The following ATL3 variants were observed in gnomAD, a reference collection of about 807,000 sequenced individuals.
ATL3 encodes the protein atlastin GTPase 3.
A neutral mutation model predicts 69.5 loss-of-function variants in ATL3; 49 were observed. The observed-to-expected ratio is 0.71, with a 90% confidence interval of 0.56 to 0.89. ATL3 has a LOEUF of 0.89. ATL3 is among the 40% of genes least tolerant of loss of function. ATL3 has a pLI of 0.00. For synonymous variants in ATL3, 214 were observed against 224.1 expected (o/e 0.95, Z 0.40); for missense variants, 606 against 645.7 (o/e 0.94, Z 0.67).
At chr11:63,671,707 G>A (rs1472181600), upstream of ATL3, 3 of 1,295,688 alleles carry the variant, frequency 2.3e-6, no homozygotes, top group South Asian at 2.6e-5. Context: ...CCCGGCCAGC[G>A]GTCCTCATAC....
chr11:63,671,559 G>C, upstream of ATL3: 2 of 1,424,596 alleles, frequency 1.4e-6, no homozygotes, highest in Non-Finnish European at 1.8e-6. Flanking sequence ...GAGGCTAGGC[G>C]AGGCGGGGCG....
intron 5 of ATL3, among the ~76,000 whole-genome samples, chr11:63,648,756 C>T (rs1939971508): frequency 2.6e-5 from 4 of 151,850 alleles, no homozygotes; most frequent in Admixed American, 2.6e-4. Context: ...TTGCAGTGAG[C>T]CGAGATCGCA....
At chr11:63,671,639 T>C (rs963292182), upstream of ATL3, 4 of 1,408,686 alleles carry the variant, frequency 2.8e-6, no homozygotes, top group Non-Finnish European at 3.7e-6. Context: ...CGGGTACCTG[T>C]TGGCGGGGCG....
At chr11:63,639,590 CA>C (rs111370312) in intron 8 of ATL3, among the ~76,000 whole-genome samples, 20,923 of 151,544 alleles carry the variant, frequency 0.14, 1,559 homozygotes, top group Middle Eastern at 0.18. Context: ...CCTGTCTCTA[CA>C]AAAAAATAAA....
At chr11:63,631,552 G>A in intron 11 of ATL3, 81 bp from the exon 12 acceptor site, 2 of 1,230,584 alleles carry the variant, frequency 1.6e-6, no homozygotes, top group South Asian at 1.5e-5. Flanking sequence ...ATAATGAAAG[G>A]ATTAGAATGT....
intron 1 of ATL3, among the ~76,000 whole-genome samples, chr11:63,665,289 T>C (rs934253700): frequency 1.2e-4 from 17 of 147,270 alleles, no homozygotes; most frequent in Admixed American, 3.5e-4. Context: ...GAGGTTGCGG[T>C]GAGCTGAGAT....
chr11:63,637,016 C>T (rs1428462625), intron 8 of ATL3, among the ~76,000 whole-genome samples: 7 of 152,240 alleles, frequency 4.6e-5, no homozygotes, highest in South Asian at 2.1e-4. Context: ...TGGTGGCTCA[C>T]GCCTGTAATC....
rs777811140 is a variant in ATL3, at chr11:63,631,297, A to T, written c.1282T>A (p.Phe428Ile). 5.0e-6 allele frequency: 8 copies of T among 1,614,212 alleles called. No homozygotes were observed. The highest frequency in any genetic ancestry group is 6.8e-6 in the Non-Finnish European group (8 of 1,180,042). ...TTCTTGCTACCATTGTGCTTGCAGA[A>T]GTTCTCATATAATTCCTTGATTTCC... Reference protein sequence around the residue: ...EEEIKELYENFCKHNGSKNVF... With the variant: ...EEEIKELYENICKHNGSKNVF... Residue 428 changes from phenylalanine to isoleucine, a missense_variant, in exon 12 of 13, where the codon TTC (phenylalanine) becomes ATC (isoleucine). By Grantham distance (21) the Phe-to-Ile change is conservative (BLOSUM62 0). Transcript: ENST00000398868.
At chr11:63,668,905 C>A (rs1454321645) in intron 1 of ATL3, among the ~76,000 whole-genome samples, 1 of 147,516 alleles carries the variant, frequency 6.8e-6, no homozygotes, top group African/African-American at 2.5e-5. Context: ...AGGCTCACTG[C>A]AGCCAACTTC....
chr11:63,662,488 T>C (rs1176493615), intron 1 of ATL3, among the ~76,000 whole-genome samples: 1 of 152,204 alleles, frequency 6.6e-6, no homozygotes, highest in Non-Finnish European at 1.5e-5. Flanking sequence ...AGAAGTCTGT[T>C]TATTTATTTA....
At chr11:63,660,732 C>G (rs1225909873) in intron 1 of ATL3, among the ~76,000 whole-genome samples, 1 of 152,004 alleles carries the variant, frequency 6.6e-6, no homozygotes, top group Non-Finnish European at 1.5e-5. Flanking sequence ...TTGCAAGACT[C>G]TATCTCAAAA....
intron 5 of ATL3, among the ~76,000 whole-genome samples, chr11:63,651,277 A>C (rs1405771695): frequency 6.6e-6 from 1 of 152,114 alleles, no homozygotes; most frequent in Admixed American, 6.6e-5. Context: ...CGACATGGTG[A>C]AACCCCGTCT....
intron 3 of ATL3, among the ~76,000 whole-genome samples, chr11:63,654,095 G>A (rs773964762): frequency 1.1e-4 from 16 of 151,886 alleles, no homozygotes; most frequent in Non-Finnish European, 1.8e-4. Flanking sequence ...GTGGGAACTG[G>A]GCAGGTTGCA....
At position 63,636,348 on chromosome 11, in the gene ATL3, G is replaced by A. The variant is rs746678186; in HGVS notation, c.851-14C>T. The stretch of plus-strand genomic sequence containing the variant: ...CACCAGCAATATCTGTTCACAGGAC[G>A]ACAAAGAAGGGAAAAATAAGCCAAA... On this transcript the variant is annotated splice_polypyrimidine_tract_variant and intron_variant, in intron 8 of 12. Coordinates refer to ENST00000398868, the MANE Select transcript of ATL3 (RefSeq NM_015459.5). The A allele has an allele frequency of 2.5e-6, 4 of 1,613,220 alleles. No homozygotes were observed. The highest frequency in any genetic ancestry group is 2.7e-5 in the African/African-American group (2 of 74,856).
intron 1 of ATL3, among the ~76,000 whole-genome samples, chr11:63,667,436 T>A (rs1940608795): frequency 6.6e-6 from 1 of 151,880 alleles, no homozygotes; most frequent in African/African-American, 2.4e-5. Context: ...TTCAAGTGAT[T>A]CTCCCACCTC....
At chr11:63,669,129 G>A (rs192181584) in intron 1 of ATL3, among the ~76,000 whole-genome samples, 41 of 151,254 alleles carry the variant, frequency 2.7e-4, no homozygotes, top group African/African-American at 8.0e-4. Context: ...CACAGCTCCC[G>A]GCCAAGTAAG....
At position 63,626,977 on chromosome 11, in the gene ATL3, A is replaced by G. The variant is rs1399212604; in HGVS notation, c.*2342T>C. ...AAATGGTGAAGAGGACTTCCTCTGG[A>G]TAATTAAACCAAGGTCTCTTTATAA... On this transcript the variant is annotated 3_prime_UTR_variant, in exon 13 of 13. Transcript: ENST00000398868. 1 of 152,166 alleles carries G rather than the reference A, an allele frequency of 6.6e-6. No individual in the cohort carries two copies. The highest frequency in any genetic ancestry group is 1.5e-5 in the Non-Finnish European group (1 of 68,040). 9.4% of individuals were successfully genotyped at this position (152,166 alleles called of 1,614,324 possible). A position where few individuals can be genotyped will look rare whatever the true frequency, so the allele number is the denominator to read the frequency against.
Position 63,626,710 on chromosome 11 carries a change from C to T in ATL3, c.*2609G>A. On this transcript the variant is annotated 3_prime_UTR_variant, in exon 13 of 13. Transcript: ENST00000398868. Reference sequence around the variant, plus strand: ...GCAACAGACACGACGCAAACAGGCACAGTCTGAGCATCTGAACCACAAGTA... The same window carrying T: ...GCAACAGACACGACGCAAACAGGCATAGTCTGAGCATCTGAACCACAAGTA... 6.6e-6 allele frequency: 1 copy of T among 152,126 alleles called. No individual in the cohort carries two copies. Among genetic ancestry groups the T allele is most frequent in the Non-Finnish European group, 1.5e-5 (1 of 68,020 alleles). The allele number at this position is 152,126 out of a possible 1,614,324, so 9.4% of individuals were successfully genotyped here. A position where few individuals can be genotyped will look rare whatever the true frequency, so the allele number is the denominator to read the frequency against.
Position 63,631,502 on chromosome 11 carries a change from A to C in ATL3, c.1108-31T>G, listed in dbSNP as rs143736361. On this transcript the variant is annotated intron_variant, in intron 11 of 12. Coordinates refer to ENST00000398868, the MANE Select transcript of ATL3 (RefSeq NM_015459.5). ...AAGAACAAAGAAACAATATGTTAAA[A>C]GATCTCTTCAAAAACAAGTGCCAAA... The C allele has an allele frequency of 7.9e-5, 121 of 1,538,642 alleles. No homozygotes were observed. In the East Asian group the frequency reaches 2.7e-3, roughly 35 times the overall value.
Sources: gnomAD v4.1 joint callset for allele counts (sites outside exome capture counted in the v4.1 genomes callset) on GRCh38, gnomAD v4.1.1 for gene constraint, MANE v1.5 for transcripts, NCBI Gene and HGNC (gene_info 2026-07-23, HGNC 2026-07-21) for gene names.